AUTS2: variants seen among roughly 807,000 people sequenced by gnomAD.
AUTS2 encodes the protein activator of transcription and developmental regulator AUTS2.
In AUTS2, 17 loss-of-function variants were observed where a neutral mutation model predicts 112.4. The observed-to-expected ratio is 0.15, with a 90% CI of 0.10 to 0.23. AUTS2 has a LOEUF of 0.23. Among genes scored for constraint, AUTS2 ranks in the 10% least tolerant of loss-of-function variants. The pLI is 1.00. For missense variants in AUTS2, 1,510 were observed against 1,701.6 expected, an observed-to-expected ratio of 0.89 and a Z score of 1.98; for synonymous variants, 751 against 702.7, an observed-to-expected ratio of 1.07 and a Z score of -1.09.
At chr7:70,127,251 G>A (rs1806026237) in intron 3 of AUTS2, among the ~76,000 whole-genome samples, 1 of 151,634 alleles carries the variant, frequency 6.6e-6, no homozygotes, top group African/African-American at 2.4e-5. Context: ...CTTGTGCCCC[G>A]GCCTCCTGAG....
intron 4 of AUTS2, among the ~76,000 whole-genome samples, chr7:70,364,024 G>A (rs1362574090): frequency 6.6e-6 from 1 of 152,184 alleles, no homozygotes; most frequent in African/African-American, 2.4e-5. Flanking sequence ...ACACATCATA[G>A]GAATGGGATC....
At chr7:70,535,571 C>T (rs1300323927) in intron 5 of AUTS2, among the ~76,000 whole-genome samples, 1 of 152,120 alleles carries the variant, frequency 6.6e-6, no homozygotes, top group Non-Finnish European at 1.5e-5. Context: ...CCCGCCACCC[C>T]ACCCAGCTCA....
chr7:69,752,997 C>A (rs1787803872), intron 1 of AUTS2, among the ~76,000 whole-genome samples: 1 of 152,180 alleles, frequency 6.6e-6, no homozygotes, highest in South Asian at 2.1e-4. Flanking sequence ...CGACTGTGTA[C>A]TGTCTAGAAT....
At chr7:69,710,315 G>A (rs1042528473) in intron 1 of AUTS2, among the ~76,000 whole-genome samples, 73 of 152,244 alleles carry the variant, frequency 4.8e-4, no homozygotes, top group African/African-American at 1.7e-3. Flanking sequence ...TTTTCCAAAA[G>A]CAATTAAAAT....
At chr7:69,827,345 C>G (rs943284313) in intron 1 of AUTS2, among the ~76,000 whole-genome samples, 1 of 152,106 alleles carries the variant, frequency 6.6e-6, no homozygotes, top group African/African-American at 2.4e-5. Context: ...TTTTTGTACT[C>G]AAGAGCTCCC....
intron 1 of AUTS2, among the ~76,000 whole-genome samples, chr7:69,683,091 G>A (rs1183823991): frequency 5.9e-5 from 9 of 152,260 alleles, no homozygotes; most frequent in African/African-American, 1.9e-4. Flanking sequence ...GGGGAATGCC[G>A]TAGGTTATAT....
At chr7:70,162,398 A>T (rs1471221360) in intron 4 of AUTS2, among the ~76,000 whole-genome samples, 2 of 127,950 alleles carry the variant, frequency 1.6e-5, no homozygotes, top group Non-Finnish European at 3.2e-5. Context: ...GTGAGCCGAG[A>T]TCCCGCCACT....
chr7:70,076,573 G>T (rs1411765621), intron 2 of AUTS2, among the ~76,000 whole-genome samples: 1 of 152,154 alleles, frequency 6.6e-6, no homozygotes, highest in Non-Finnish European at 1.5e-5. Flanking sequence ...GCAGGCCACA[G>T]GCTGTGTGCT....
chr7:69,788,258 C>T (rs531021154), intron 1 of AUTS2, among the ~76,000 whole-genome samples: 1 of 152,252 alleles, frequency 6.6e-6, no homozygotes, highest in South Asian at 2.1e-4. Context: ...TGACTTCCTT[C>T]TCTGTCCCTA....
In AUTS2 at chr7:69,869,189, T is replaced by C. The variant is rs982012537; in HGVS notation, c.310-30097T>C. On this transcript the variant is annotated intron_variant, in intron 1 of 18. Transcript: ENST00000342771. The stretch of plus-strand genomic sequence containing the variant: ...TTCTGCACAACCGTAGGGAGAAATA[T>C]TGGGAAGCTGGCAAGAGAGTCAATT... Among the ~76,000 whole-genome samples, 8 of 152,234 alleles carry C rather than the reference T, an allele frequency of 5.3e-5. No individual in the cohort carries two copies. In the East Asian group the frequency reaches 1.4e-3, roughly 26 times the overall value.
chr7:69,750,129 G>A (rs1241636474), intron 1 of AUTS2, among the ~76,000 whole-genome samples: 1 of 152,010 alleles, frequency 6.6e-6, no homozygotes, highest in African/African-American at 2.4e-5. Context: ...TGTTGATGAC[G>A]AGACTCAAAT....
chr7:70,546,956 A>G (rs1479701718), intron 5 of AUTS2, among the ~76,000 whole-genome samples: 1 of 152,120 alleles, frequency 6.6e-6, no homozygotes, highest in Non-Finnish European at 1.5e-5. Flanking sequence ...TTCTTTTCAA[A>G]TCAGATTTAT....
At chr7:70,692,763 CT>C (rs3053872) in intron 5 of AUTS2, among the ~76,000 whole-genome samples, 6,310 of 147,196 alleles carry the variant, frequency 0.043, 432 homozygotes, top group African/African-American at 0.14. Flanking sequence ...GCACCCCCAC[CT>C]TTTTTTTTTT....
chr7:70,654,729 T>C (rs576510200), intron 5 of AUTS2, among the ~76,000 whole-genome samples: 9 of 152,344 alleles, frequency 5.9e-5, no homozygotes, highest in Non-Finnish European at 7.3e-5. Flanking sequence ...GTGACTACGG[T>C]ATTTGATGAA....
intron 1 of AUTS2, among the ~76,000 whole-genome samples, chr7:69,667,018 A>G (rs1562796905): frequency 6.6e-6 from 1 of 152,182 alleles, no homozygotes; most frequent in Non-Finnish European, 1.5e-5. Flanking sequence ...TATTTCTTAC[A>G]GTTGTTGGAG....
At chr7:70,728,904 G>C (rs565461104) in intron 6 of AUTS2, among the ~76,000 whole-genome samples, 1 of 152,086 alleles carries the variant, frequency 6.6e-6, no homozygotes, top group South Asian at 2.1e-4. Flanking sequence ...TCCACAGATC[G>C]TTTCCTTAAC....
intron 4 of AUTS2, among the ~76,000 whole-genome samples, chr7:70,360,859 G>A (rs567905878): frequency 3.3e-5 from 5 of 152,142 alleles, no homozygotes; most frequent in African/African-American, 9.7e-5. Context: ...TGGAGTTTAA[G>A]CCTCATTCTT....
intron 4 of AUTS2, chr7:70,290,523 G>A (rs1788662071): frequency 6.5e-7 from 1 of 1,533,376 alleles, no homozygotes; most frequent in African/African-American, 1.4e-5. Context: ...GTTTGGTGTG[G>A]TCACTCACAT....
rs766349738 is a variant in AUTS2 at position 70,766,220 on chromosome 7, TCAGCAC to T, written c.1594_1599del (p.Gln532_His533del). The T allele has an allele frequency of 4.5e-5, 73 of 1,614,046 alleles. No homozygotes were observed. Among genetic ancestry groups the T allele is most frequent in the African/African-American group, 1.1e-4 (8 of 74,994 alleles). ...CGCCCTACCTGCGGACCGAGTTCCA[TCAGCAC>T]CAGCACCAGCACCAGCACACCCACC... On this transcript the variant is annotated inframe_deletion, in exon 9 of 19. Coordinates refer to ENST00000342771, the MANE Select transcript of AUTS2 (RefSeq NM_015570.4). The surrounding 1 kb of genome is among the most constrained non-coding windows in gnomAD (Gnocchi z 4.8).
Sources: allele counts gnomAD v4.1 joint callset (sites outside exome capture counted in the v4.1 genomes callset), GRCh38; gene constraint gnomAD v4.1.1; non-coding constraint Gnocchi (gnomAD v3.1); transcripts MANE v1.5; gene names NCBI Gene and HGNC (gene_info 2026-07-23, HGNC 2026-07-21).